The following RAB38 variants were observed in gnomAD, a reference collection of about 807,000 sequenced individuals.
RAB38 encodes the protein RAB38, member RAS oncogene family, also known as ras-related protein Rab-38.
Under a neutral mutation model 18.4 loss-of-function variants are expected in RAB38, and 15 were observed. The ratio of observed to expected loss-of-function variants is 0.82; its 90% CI spans 0.55 to 1.26. RAB38 has a LOEUF of 1.26. Among genes scored for constraint, RAB38 ranks in the 50% most tolerant of loss-of-function variants. RAB38 has a pLI of 0.00. For synonymous variants in RAB38, 101 were observed against 104.4 expected (o/e 0.97, Z 0.20); for missense variants, 294 against 267.4 (o/e 1.10, Z -0.69).
the RAB38 span, among the ~76,000 whole-genome samples, chr11:87,938,763 C>A: frequency 1.3e-5 from 2 of 151,316 alleles, no homozygotes. Flanking sequence ...AACTCCAAGG[C>A]AAGTATACGT....
chr11:88,088,484 TTTTTAAAGATTTTATGAA>T, the RAB38 span, among the ~76,000 whole-genome samples: 1 of 151,918 alleles, frequency 6.6e-6, no homozygotes, highest in Admixed American at 6.6e-5. Flanking sequence ...AGGTGATCTT[TTTTTAAAGATTTTATGAA>T]GACTAAGTCT....
the RAB38 span, among the ~76,000 whole-genome samples, chr11:87,948,650 T>G: frequency 6.6e-6 from 1 of 151,038 alleles, no homozygotes. Flanking sequence ...TCTATTGAGA[T>G]AATCATGTGG....
chr11:88,114,278 C>G, intron 2 of RAB38, 138 bp from the exon 3 acceptor site: 1 of 897,568 alleles, frequency 1.1e-6, no homozygotes, highest in Admixed American at 2.7e-5. Context: ...TTCCCTCACT[C>G]TTATTTGTTC....
chr11:88,089,702 T>A, the RAB38 span, among the ~76,000 whole-genome samples: 1 of 151,898 alleles, frequency 6.6e-6, no homozygotes, highest in Non-Finnish European at 1.5e-5. Flanking sequence ...TCTATGAACT[T>A]TTCTGGTTTC....
chr11:87,893,264 T>G, the RAB38 span, among the ~76,000 whole-genome samples: 534 of 148,398 alleles, frequency 3.6e-3, 4 homozygotes, highest in African/African-American at 0.012. Flanking sequence ...CAAAGATGAC[T>G]TGTGTCCTTT....
intron 2 of RAB38, among the ~76,000 whole-genome samples, chr11:88,141,035 G>A (rs989236921): frequency 3.3e-5 from 5 of 152,250 alleles, no homozygotes; most frequent in Non-Finnish European, 7.3e-5. Context: ...GATCAAGGAG[G>A]AAAGATCCAG....
At chr11:88,158,567 G>A (rs766212997) in intron 1 of RAB38, among the ~76,000 whole-genome samples, 1 of 151,956 alleles carries the variant, frequency 6.6e-6, no homozygotes, top group African/African-American at 2.4e-5. Context: ...ATGAAAAAGT[G>A]AATTCACTAT....
At chr11:87,912,459 C>T in the RAB38 span, among the ~76,000 whole-genome samples, 4 of 151,984 alleles carry the variant, frequency 2.6e-5, no homozygotes, top group African/African-American at 9.7e-5. Flanking sequence ...TCCATTTCAT[C>T]TAAGTGTCCA....
the RAB38 span, among the ~76,000 whole-genome samples, chr11:87,977,909 A>G: frequency 1.8e-5 from 2 of 112,910 alleles, no homozygotes; most frequent in African/African-American, 3.5e-5. Flanking sequence ...ATATAATTAT[A>G]TACATAAATA....
At chr11:87,975,947 A>C in the RAB38 span, among the ~76,000 whole-genome samples, 4 of 151,486 alleles carry the variant, frequency 2.6e-5, no homozygotes, top group African/African-American at 9.7e-5. Context: ...CAAATGTTAC[A>C]AGAACAATCA....
chr11:88,038,860 T>A, the RAB38 span, among the ~76,000 whole-genome samples: 2 of 152,206 alleles, frequency 1.3e-5, no homozygotes, highest in African/African-American at 4.8e-5. Context: ...TAAGATATAA[T>A]CCACATTGCA....
the RAB38 span, among the ~76,000 whole-genome samples, chr11:88,021,938 G>A: frequency 6.6e-6 from 1 of 151,368 alleles, no homozygotes; most frequent in Non-Finnish European, 1.5e-5. Flanking sequence ...CAAAGTACTG[G>A]GATTACAGGC....
At chr11:88,027,760 C>A in the RAB38 span, among the ~76,000 whole-genome samples, 1 of 152,134 alleles carries the variant, frequency 6.6e-6, no homozygotes, top group African/African-American at 2.4e-5. Flanking sequence ...TCAAGGAGGC[C>A]TGCCTGCCTG....
At chr11:88,063,745 C>T in the RAB38 span, among the ~76,000 whole-genome samples, 1 of 152,114 alleles carries the variant, frequency 6.6e-6, no homozygotes, top group East Asian at 1.9e-4. Flanking sequence ...AGGAGAGTTC[C>T]CCAGCACATG....
At chr11:87,893,845 T>C in the RAB38 span, among the ~76,000 whole-genome samples, 4,522 of 151,748 alleles carry the variant, frequency 0.03, 212 homozygotes, top group African/African-American at 0.099. Context: ...AATCAAGAAG[T>C]GTGAAGTCTG....
chr11:88,137,254 C>T (rs1004472940), intron 2 of RAB38, among the ~76,000 whole-genome samples: 2 of 152,000 alleles, frequency 1.3e-5, no homozygotes, highest in Non-Finnish European at 1.5e-5. Flanking sequence ...ATCTTGCTCT[C>T]AAAATTTTTA....
the RAB38 span, among the ~76,000 whole-genome samples, chr11:88,087,804 T>A: frequency 5.9e-5 from 9 of 151,892 alleles, no homozygotes; most frequent in African/African-American, 2.2e-4. Flanking sequence ...TACCTAGGGA[T>A]TGCTTTCATC....
At chr11:87,907,847 C>A in the RAB38 span, among the ~76,000 whole-genome samples, 7 of 151,478 alleles carry the variant, frequency 4.6e-5, no homozygotes, top group African/African-American at 4.8e-5. Context: ...ATCCTGGGAG[C>A]CTTTACAAAT....
the RAB38 span, among the ~76,000 whole-genome samples, chr11:87,901,294 C>A: frequency 6.6e-6 from 1 of 151,524 alleles, no homozygotes; most frequent in Non-Finnish European, 1.5e-5. Context: ...TTACATAGGG[C>A]AGGCGTATAA....
Sources: allele counts gnomAD v4.1 joint callset (sites outside exome capture counted in the v4.1 genomes callset), GRCh38; gene constraint gnomAD v4.1.1; transcripts MANE v1.5; gene names NCBI Gene and HGNC (gene_info 2026-07-23, HGNC 2026-07-21).